The following SAMM50 variants were observed in gnomAD, a reference collection of about 807,000 sequenced individuals.
SAMM50 encodes SAMM50 sorting and assembly machinery component.
Under a neutral mutation model 66.9 loss-of-function variants are expected in SAMM50, and 47 were observed. The observed-to-expected ratio is 0.70, with a 90% CI of 0.56 to 0.90. The LOEUF is 0.90. Among genes scored for constraint, SAMM50 ranks in the 40% least tolerant of loss-of-function variants. The probability of loss-of-function intolerance (pLI) is 0.00; values close to 1 mark genes in which losing one functional copy is unlikely to be tolerated. For synonymous variants in SAMM50, 191 were observed against 214.1 expected (o/e 0.89, Z 0.94); for missense variants, 535 against 595.3 (o/e 0.90, Z 1.05).
rs2050275932 is a variant in SAMM50 at position 43,983,683 on chromosome 22, G to A, written c.1008-250G>A. On this transcript the variant is annotated intron_variant, in intron 11 of 14. Coordinates refer to ENST00000350028, the MANE Select transcript of SAMM50 (RefSeq NM_015380.5). This position sits in a 1 kb window ranked among gnomAD's most constrained non-coding sequence, Gnocchi z 4.2. The stretch of plus-strand genomic sequence containing the variant: ...GTTTGCCCTGCCCCTCTCTCCTAGT[G>A]TGTTTCTTGGCATCTTGTGTCTCAC... 6.6e-6 allele frequency among the ~76,000 whole-genome samples: 1 copy of A among 152,140 alleles called. No individual in the cohort carries two copies. Among genetic ancestry groups the A allele is most frequent in the Non-Finnish European group, 1.5e-5 (1 of 68,030 alleles).
intron 1 of SAMM50, among the ~76,000 whole-genome samples, chr22:43,960,380 C>A (rs2050141765): frequency 1.3e-5 from 2 of 152,088 alleles, no homozygotes; most frequent in South Asian, 4.1e-4. Context: ...AAAAGTCGTT[C>A]ATTCCCCATT....
rs2146823126 is a variant in SAMM50 at position 43,983,555 on chromosome 22, T to C, written c.1008-378T>C. On this transcript the variant is annotated intron_variant, in intron 11 of 14. Transcript: ENST00000350028. The surrounding 1 kb of genome is among the most constrained non-coding windows in gnomAD (Gnocchi z 4.2). ...CTATTAAATAATTTGTATCCTGCTC[T>C]TCTTCCCCTAATATCGCACTGTGAG... Among the ~76,000 whole-genome samples, 1 of 152,338 alleles carries C rather than the reference T, an allele frequency of 6.6e-6. No homozygotes were observed. Among genetic ancestry groups the C allele is most frequent in the South Asian group, 2.1e-4 (1 of 4,822 alleles).
intron 1 of SAMM50, among the ~76,000 whole-genome samples, chr22:43,959,317 C>G (rs956779577): frequency 6.6e-6 from 1 of 151,866 alleles, no homozygotes; most frequent in African/African-American, 2.4e-5. Flanking sequence ...CTGTGCCCAG[C>G]CTGTTGTTAT....
At chr22:43,955,660 G>T in intron 1 of SAMM50, 62 bp downstream of exon 1, 2 of 1,504,756 alleles carry the variant, frequency 1.3e-6, no homozygotes, top group South Asian at 1.2e-5. Flanking sequence ...GACGGGCGCC[G>T]CGGGGAGACG....
At chr22:43,994,080 T>TGGGGAGGGTGC (rs1203870956) in intron 14 of SAMM50, among the ~76,000 whole-genome samples, 2 of 152,086 alleles carry the variant, frequency 1.3e-5, no homozygotes, top group African/African-American at 4.8e-5. Context: ...TCTTGGTTGT[T>TGGGGAGGGTGC]GGGGAGGGTG....
chr22:43,989,255 A>T lies in SAMM50; in HGVS notation c.1220A>T (p.Tyr407Phe). 6.2e-7 allele frequency: 1 copy of T among 1,613,600 alleles called. No individual in the cohort carries two copies. The highest frequency in any genetic ancestry group is 8.5e-7 in the Non-Finnish European group (1 of 1,179,816). ...LNAGNLCNLN[Y>F]GEGPKAHIRK... Reference sequence around the variant, plus strand: ...GCAGGAAACCTCTGCAACCTCAACTATGGTAAAACTTGCGCTATTCAAGAA... The same window carrying T: ...GCAGGAAACCTCTGCAACCTCAACTTTGGTAAAACTTGCGCTATTCAAGAA... Residue 407 changes from tyrosine to phenylalanine, a missense_variant and splice_region_variant, in exon 13 of 15, where the codon TAT (tyrosine) becomes TTT (phenylalanine). By Grantham distance (22) the Tyr-to-Phe change is conservative (BLOSUM62 3). Coordinates refer to ENST00000350028, the MANE Select transcript of SAMM50 (RefSeq NM_015380.5).
intron 12 of SAMM50, 94 bp downstream of exon 12, chr22:43,984,094 A>G (rs1354743852): frequency 1.6e-5 from 17 of 1,064,618 alleles, no homozygotes; most frequent in Non-Finnish European, 2.2e-5. Context: ...GATAATAGAC[A>G]TTCCTCTTTC....
chr22:43,988,376 T>C (rs2050304865), intron 12 of SAMM50: 1 of 152,258 alleles, frequency 6.6e-6, no homozygotes, highest in Non-Finnish European at 1.5e-5. Context: ...GTCTGTCATT[T>C]TGTATTAGAG....
chr22:43,964,640 C>G (rs534002102), intron 3 of SAMM50, 87 bp downstream of exon 3: 1 of 709,876 alleles, frequency 1.4e-6, no homozygotes, highest in Non-Finnish European at 2.4e-6. Flanking sequence ...GAGCACCCTG[C>G]GCCCGGCCTC....
At chr22:43,977,215 C>G (rs1006856133) in intron 9 of SAMM50, among the ~76,000 whole-genome samples, 2 of 152,214 alleles carry the variant, frequency 1.3e-5, no homozygotes, top group East Asian at 3.8e-4. Context: ...TCTTCACCAC[C>G]TTAGAGGAGC....
At chr22:43,986,143 A>G (rs1028169581) in intron 12 of SAMM50, among the ~76,000 whole-genome samples, 13 of 149,776 alleles carry the variant, frequency 8.7e-5, no homozygotes, top group Non-Finnish European at 1.9e-4. Flanking sequence ...CCCAGGTTCA[A>G]GTGATTCTCC....
In SAMM50 at chr22:43,972,484, T is replaced by C. The variant is rs190240705; in HGVS notation, c.429+142T>C. On this transcript the variant is annotated intron_variant, in intron 5 of 14. Coordinates refer to ENST00000350028, the MANE Select transcript of SAMM50 (RefSeq NM_015380.5). ...AATCTGTTGTTATTTGTGGTTTCTC[T>C]TTAATCACCGTAGAATTGGTGATAA... The C allele has an allele frequency of 1.3e-4, 73 of 550,132 alleles. 2 individuals are homozygous for C. The highest frequency in any genetic ancestry group is 1.3e-3 in the South Asian group (40 of 30,766). 34.1% of individuals were successfully genotyped at this position (550,132 alleles called of 1,614,324 possible). A position where few individuals can be genotyped will look rare whatever the true frequency, so the allele number is the denominator to read the frequency against.
chr22:43,976,132 G>A lies in SAMM50; in HGVS notation c.726G>A (p.Ala242=), dbSNP rs767670406. The A allele has an allele frequency of 8.1e-6, 13 of 1,610,406 alleles. No individual in the cohort carries two copies. The East Asian group carries it at 8.9e-5, about 11-fold the overall frequency. Residue 242 remains alanine (A), a synonymous_variant, in exon 8 of 15, where the codon GCG becomes GCA. Coordinates refer to ENST00000350028, the MANE Select transcript of SAMM50 (RefSeq NM_015380.5). The stretch of plus-strand genomic sequence containing the variant: ...AACTGGGCTGCCTCTCAAGGACGGC[G>A]TCATTTGCTGTTCGAAAAGAAAGCG... ...WRELGCLSRT[A]SFAVRKESGH... is the part of the protein sequence containing the mutation.
At chr22:43,976,934 T>G (rs1262746298) in intron 9 of SAMM50, 113 bp downstream of exon 9, 2 of 664,464 alleles carry the variant, frequency 3.0e-6, no homozygotes, top group Non-Finnish European at 5.3e-6. Context: ...CACAGAGTAA[T>G]CGCACATGCA....
At chr22:43,988,957 A>G in intron 12 of SAMM50, 154 bp from the exon 13 acceptor site, 1 of 585,194 alleles carries the variant, frequency 1.7e-6, no homozygotes, top group Admixed American at 2.9e-5. Context: ...TGAGGCCATC[A>G]GTATCAGGAA....
chr22:43,966,751 A>T (rs1365599949), intron 3 of SAMM50, among the ~76,000 whole-genome samples: 1 of 152,198 alleles, frequency 6.6e-6, no homozygotes, highest in Non-Finnish European at 1.5e-5. Context: ...TTGTTAGAAG[A>T]AAAATGCCAT....
intron 14 of SAMM50, among the ~76,000 whole-genome samples, chr22:43,991,769 C>T (rs1402051526): frequency 1.3e-5 from 2 of 152,202 alleles, no homozygotes; most frequent in Non-Finnish European, 2.9e-5. Context: ...CTTCTTGGCT[C>T]GCAGATGGCA....
intron 12 of SAMM50, chr22:43,987,201 A>G (rs1049636402): frequency 6.6e-6 from 1 of 152,212 alleles, no homozygotes; most frequent in African/African-American, 2.4e-5. Flanking sequence ...GGTTTGATGT[A>G]TCAAGAGCCT....
At chr22:43,970,981 A>G (rs985826294) in intron 4 of SAMM50, among the ~76,000 whole-genome samples, 2 of 152,198 alleles carry the variant, frequency 1.3e-5, no homozygotes, top group Non-Finnish European at 2.9e-5. Flanking sequence ...CCTGGTCAAC[A>G]TGGTGAAACC....
Sources: allele counts gnomAD v4.1 joint callset (sites outside exome capture counted in the v4.1 genomes callset), GRCh38; gene constraint gnomAD v4.1.1; non-coding constraint Gnocchi (gnomAD v3.1); transcripts MANE v1.5; gene names NCBI Gene and HGNC (gene_info 2026-07-23, HGNC 2026-07-21).